MATN1: variants seen among roughly 807,000 people sequenced by gnomAD.
MATN1 encodes the protein matrilin-1.
MATN1 carries 34 observed loss-of-function variants against 41.3 expected under a neutral mutation model. That is an observed-to-expected ratio of 0.82 (90% CI 0.63 to 1.10). The LOEUF (loss-of-function observed/expected upper bound fraction) is 1.10, where lower values mean the gene tolerates loss of function less well. Among genes scored for constraint, MATN1 ranks in the 50% least tolerant of loss-of-function variants. MATN1 has a pLI of 0.00. For missense variants in MATN1, 602 were observed against 662.4 expected (o/e 0.91, Z 1.00); for synonymous variants, 264 against 278.7 (o/e 0.95, Z 0.53).
chr1:30,717,639 G>C (rs1639633452), intron 3 of MATN1, among the ~76,000 whole-genome samples: 1 of 144,998 alleles, frequency 6.9e-6, no homozygotes. Flanking sequence ...TTTTGTGTGT[G>C]CGGTTTTTTT....
At position 30,718,758 on chromosome 1, in the gene MATN1, C is replaced by G. The variant is rs1225788165; in HGVS notation, c.641G>C (p.Arg214Thr). ...ACCGCAGAAGGCCTCCTGGAACTTC[C>G]TGGACAGCTTCTCGATGACGCTGTA... ...ESYSVIEKLS[R>T]KFQEAFCVVS... Residue 214 changes from arginine to threonine, a missense_variant, in exon 3 of 8, where the codon AGG becomes ACG. Transcript: ENST00000373765. 1.3e-6 allele frequency: 2 copies of G among 1,598,998 alleles called. No individual in the cohort carries two copies. Among genetic ancestry groups the G allele is most frequent in the African/African-American group, 1.3e-5 (1 of 74,146 alleles).
chr1:30,722,307 T>A (rs1400427478), intron 1 of MATN1, among the ~76,000 whole-genome samples: 3 of 152,292 alleles, frequency 2.0e-5, no homozygotes, highest in African/African-American at 7.2e-5. Context: ...ATCACCAAAG[T>A]GGAACCAGTT....
At chr1:30,719,204 T>C (rs1639666247) in intron 2 of MATN1, 2 of 471,368 alleles carry the variant, frequency 4.2e-6, no homozygotes, top group Non-Finnish European at 7.5e-6. Context: ...AGGGATGTGA[T>C]GCCCCATCGC....
intron 1 of MATN1, among the ~76,000 whole-genome samples, chr1:30,722,248 C>T (rs1639706170): frequency 6.6e-6 from 1 of 152,272 alleles, no homozygotes; most frequent in East Asian, 1.9e-4. Flanking sequence ...GCTTGAGAGC[C>T]AAAGCAGTGC....
chr1:30,713,202 A>C lies in MATN1; in HGVS notation c.*380T>G, dbSNP rs1056979588. The C allele has an allele frequency of 2.7e-5, 6 of 224,594 alleles. No homozygotes were observed. Among genetic ancestry groups the C allele is most frequent in the Non-Finnish European group, 5.4e-5 (6 of 110,152 alleles). The allele number at this position is 224,594 out of a possible 1,614,324, so 13.9% of individuals were successfully genotyped here. A position where few individuals can be genotyped will look rare whatever the true frequency, so the allele number is the denominator to read the frequency against. ...TTGTTTCTCACCGGAGAATAGAGAA[A>C]TCAGTAAAGAAATTCACAGCACTCA... On this transcript the variant is annotated 3_prime_UTR_variant, in exon 8 of 8. Coordinates refer to ENST00000373765, the MANE Select transcript of MATN1 (RefSeq NM_002379.3).
rs1248112797 is a variant in MATN1 at position 30,716,823 on chromosome 1, A to G, written c.757T>C (p.Phe253Leu). ...GSYTCACHEG[F>L]TLNSDGKTCN... is the part of the protein sequence containing the mutation. ...GTCTTGCCGTCGCTGTTCAGAGTGAAGCCCTCGTGGCAGGCGCAGGTGTAG... is the reference window on the plus strand; with the variant it reads ...GTCTTGCCGTCGCTGTTCAGAGTGAGGCCCTCGTGGCAGGCGCAGGTGTAG... Residue 253 changes from phenylalanine (F) to leucine (L), a missense_variant, in exon 4 of 8, where the codon TTC becomes CTC. Transcript: ENST00000373765. 5 of 1,613,924 alleles carry G rather than the reference A, an allele frequency of 3.1e-6. No homozygotes were observed. The highest frequency in any genetic ancestry group is 1.3e-5 in the African/African-American group (1 of 74,946).
At position 30,718,849 on chromosome 1, in the gene MATN1, C is replaced by G. The variant is rs757224357; in HGVS notation, c.550G>C (p.Asp184His). The change falls in exon 3 of 8, where the codon GAC (aspartate) becomes CAC (histidine). Residue 184 changes from aspartate to histidine, a missense_variant. By Grantham distance (81) the Asp-to-His change is moderately conservative (BLOSUM62 -1). Transcript: ENST00000373765. Reference protein sequence around the residue: ...ELFAIGVGSVDKATLRQIASE... With the variant: ...ELFAIGVGSVHKATLRQIASE... ...GCGATCTGCCGCAGCGTGGCCTTGTCCACGCTGCCCACTCCGATGGCGAAC... is the reference window on the plus strand; with the variant it reads ...GCGATCTGCCGCAGCGTGGCCTTGTGCACGCTGCCCACTCCGATGGCGAAC... 6.8e-6 allele frequency: 11 copies of G among 1,608,176 alleles called. No individual in the cohort carries two copies. In the East Asian group the frequency reaches 2.5e-4, roughly 36 times the overall value.
chr1:30,718,777 C>A lies in MATN1; in HGVS notation c.622G>T (p.Val208Phe), dbSNP rs376007540. The A allele has an allele frequency of 2.5e-6, 4 of 1,608,626 alleles. No homozygotes were observed. Among genetic ancestry groups the A allele is most frequent in the Non-Finnish European group, 3.4e-6 (4 of 1,177,542 alleles). The change falls in exon 3 of 8, where the codon GTC (valine) becomes TTC (phenylalanine). Residue 208 changes from valine (V) to phenylalanine (F), a missense_variant. By Grantham distance (50) the Val-to-Phe change is conservative (BLOSUM62 -1). Transcript: ENST00000373765. ...EHVDYVESYS[V>F]IEKLSRKFQE... ...AACTTCCTGGACAGCTTCTCGATGACGCTGTAGCTCTCCACGTAATCGACG... is the reference window on the plus strand; with the variant it reads ...AACTTCCTGGACAGCTTCTCGATGAAGCTGTAGCTCTCCACGTAATCGACG...
chr1:30,722,029 A>G (rs1639701938), intron 1 of MATN1, among the ~76,000 whole-genome samples: 1 of 152,234 alleles, frequency 6.6e-6, no homozygotes, highest in African/African-American at 2.4e-5. Context: ...TCATCTGAGC[A>G]GTGAGCTAGC....
intron 3 of MATN1, 42 bp downstream of exon 3, chr1:30,718,693 T>G: frequency 7.4e-7 from 1 of 1,350,950 alleles, no homozygotes; most frequent in South Asian, 1.3e-5. Flanking sequence ...GCTCTCCCCT[T>G]CTCCGCCCCT....
rs1371554096 is a variant in MATN1 at position 30,713,256 on chromosome 1, T to C, written c.*326A>G. 3.0e-6 allele frequency: 1 copy of C among 330,884 alleles called. No individual in the cohort carries two copies. Among genetic ancestry groups the C allele is most frequent in the Non-Finnish European group, 5.7e-6 (1 of 176,934 alleles). The allele number at this position is 330,884 out of a possible 1,614,324, so 20.5% of individuals were successfully genotyped here. A position where few individuals can be genotyped will look rare whatever the true frequency, so the allele number is the denominator to read the frequency against. On this transcript the variant is annotated 3_prime_UTR_variant, in exon 8 of 8. Transcript: ENST00000373765. ...TCAAGAAAGGGTTAACTAAAAAAGA[T>C]GGGAATATATTAAGCTTTTGATTAT...
intron 5 of MATN1, 104 bp from the exon 6 acceptor site, chr1:30,715,413 CT>C: frequency 9.7e-7 from 1 of 1,036,264 alleles, no homozygotes; most frequent in Non-Finnish European, 1.4e-6. Context: ...ACACCTCCTG[CT>C]GGCAGCTGCT....
At position 30,714,327 on chromosome 1, in the gene MATN1, T is replaced by G. The variant is rs1341182877; in HGVS notation, c.1361A>C (p.Glu454Ala). The change falls in exon 7 of 8, where the codon GAG (glutamate) becomes GCG (alanine). Residue 454 changes from glutamate to alanine, a missense_variant and splice_region_variant. Transcript: ENST00000373765. The part of the protein sequence containing the change: ...GKKLQKKICV[E>A]EDPCACESLV... ...GGACTCGCAGGCACACGGGTCTTCC[T>G]CTGCAGGGGACAAGGAGGAGGGAAA... 2 of 1,608,740 alleles carry G rather than the reference T, an allele frequency of 1.2e-6. No homozygotes were observed.
rs151028371 is a variant in MATN1 at position 30,723,576 on chromosome 1, C to A, written c.-25G>T. 2 of 1,520,762 alleles carry A rather than the reference C, an allele frequency of 1.3e-6. No homozygotes were observed. Among genetic ancestry groups the A allele is most frequent in the Admixed American group, 4.1e-5 (2 of 48,484 alleles). The allele number at this position is 1,520,762 out of a possible 1,614,324, so 94.2% of individuals were successfully genotyped here. On this transcript the variant is annotated 5_prime_UTR_variant, in exon 1 of 8. Coordinates refer to ENST00000373765, the MANE Select transcript of MATN1 (RefSeq NM_002379.3). ...TAGTTCTGGCAGCACGGGCAGCAGC[C>A]GGCACGGTTGTGGGACCAGTGGGGT... is the stretch of plus-strand genomic sequence containing the variant.
At chr1:30,713,654 G>A (rs1639581945) in intron 7 of MATN1, 23 bp from the exon 8 acceptor site, 3 of 1,551,948 alleles carry the variant, frequency 1.9e-6, no homozygotes, top group Non-Finnish European at 2.6e-6. Context: ...TTAAGGAGAG[G>A]TGCAGGTTGG....
Position 30,713,558 on chromosome 1 carries a change from A to G in MATN1, c.*24T>C. The G allele has an allele frequency of 6.4e-7, 1 of 1,552,384 alleles. No homozygotes were observed. Among genetic ancestry groups the G allele is most frequent in the South Asian group, 1.2e-5 (1 of 84,086 alleles). On this transcript the variant is annotated 3_prime_UTR_variant, in exon 8 of 8. Transcript: ENST00000373765. ...GCGGACACGTGCAGGACGCTTGGAG[A>G]GGCCACAGTGGTGACAGGCAGCCTT...
chr1:30,723,151 C>T (rs1639717416), intron 1 of MATN1, among the ~76,000 whole-genome samples: 1 of 152,190 alleles, frequency 6.6e-6, no homozygotes, highest in Admixed American at 6.5e-5. Context: ...TGGGCTCAGC[C>T]CTGGGCTTGG....
chr1:30,717,083 C>T (rs1639627964), intron 3 of MATN1, among the ~76,000 whole-genome samples, 168 bp from the exon 4 acceptor site: 1 of 152,234 alleles, frequency 6.6e-6, no homozygotes, highest in Non-Finnish European at 1.5e-5. Context: ...CGTCTGGAAT[C>T]ATTGCACCAG....
At chr1:30,718,979 GAC>G in intron 2 of MATN1, 22 bp from the exon 3 acceptor site, 1 of 1,470,194 alleles carries the variant, frequency 6.8e-7, no homozygotes, top group Non-Finnish European at 9.0e-7. Context: ...GGGGCGGTGT[GAC>G]ACCGGGCTCC....
Sources: allele counts gnomAD v4.1 joint callset (sites outside exome capture counted in the v4.1 genomes callset), GRCh38; gene constraint gnomAD v4.1.1; transcripts MANE v1.5; gene names NCBI Gene and HGNC (gene_info 2026-07-23, HGNC 2026-07-21).